The following CD2AP variants were observed in gnomAD, a reference collection of about 807,000 sequenced individuals.
CD2AP encodes the protein CD2-associated protein.
In CD2AP, 46 loss-of-function variants were observed where a neutral mutation model predicts 85.1. That is an observed-to-expected ratio of 0.54 (90% CI 0.43 to 0.69). CD2AP has a LOEUF of 0.69. Among genes scored for constraint, CD2AP ranks in the 30% least tolerant of loss-of-function variants. The pLI is 0.00. For synonymous variants in CD2AP, 255 were observed against 252.9 expected (o/e 1.01, Z -0.08); for missense variants, 769 against 729.5 (o/e 1.05, Z -0.62).
At chr6:47,519,413 T>C (rs1320386081) in intron 2 of CD2AP, among the ~76,000 whole-genome samples, 10 of 152,180 alleles carry the variant, frequency 6.6e-5, no homozygotes, top group Admixed American at 6.5e-4. Flanking sequence ...AGGAAGAAGA[T>C]AGTTTGGCAT....
intron 2 of CD2AP, among the ~76,000 whole-genome samples, chr6:47,526,664 T>G (rs964645716): frequency 2.0e-5 from 3 of 152,194 alleles, no homozygotes; most frequent in Non-Finnish European, 4.4e-5. Flanking sequence ...TGTATACAGT[T>G]TGTCTGTCTC....
intron 5 of CD2AP, among the ~76,000 whole-genome samples, chr6:47,564,904 A>G (rs534571313): frequency 2.0e-5 from 3 of 152,108 alleles, no homozygotes; most frequent in Non-Finnish European, 4.4e-5. Context: ...TATCCACTAT[A>G]TTTGATTATA....
At chr6:47,505,970 T>G in intron 2 of CD2AP, among the ~76,000 whole-genome samples, 1 of 64,910 alleles carries the variant, frequency 1.5e-5, no homozygotes, top group Non-Finnish European at 3.3e-5. Flanking sequence ...CCAGATGGGG[T>G]GGCTGCCGGG....
chr6:47,618,048 G>T (rs1769642257), intron 17 of CD2AP, among the ~76,000 whole-genome samples: 1 of 152,314 alleles, frequency 6.6e-6, no homozygotes, highest in Admixed American at 6.5e-5. Context: ...GCCGGGCACG[G>T]TGGCTCACAC....
intron 5 of CD2AP, among the ~76,000 whole-genome samples, chr6:47,567,067 G>GT: frequency 6.8e-6 from 1 of 147,144 alleles, no homozygotes; most frequent in African/African-American, 2.5e-5. Flanking sequence ...TTAGAGTTTT[G>GT]TTTTTCTGAT....
chr6:47,552,505 CATG>C (rs1767553670), intron 4 of CD2AP, among the ~76,000 whole-genome samples: 1 of 152,118 alleles, frequency 6.6e-6, no homozygotes, highest in African/African-American at 2.4e-5. Flanking sequence ...AGTAGTATTC[CATG>C]ATGTGTGTGT....
At chr6:47,594,805 A>G (rs553182489) in intron 11 of CD2AP, among the ~76,000 whole-genome samples, 1 of 152,184 alleles carries the variant, frequency 6.6e-6, no homozygotes, top group South Asian at 2.1e-4. Flanking sequence ...GGTAAAAGTG[A>G]GAAAATAGTA....
chr6:47,492,951 A>C (rs1765771351), intron 1 of CD2AP, among the ~76,000 whole-genome samples: 1 of 152,186 alleles, frequency 6.6e-6, no homozygotes, highest in Non-Finnish European at 1.5e-5. Flanking sequence ...AACTAATGTT[A>C]AATTCAGCTT....
Position 47,625,539 on chromosome 6 carries a change from GTTTA to G in CD2AP, c.*1317_*1320del, listed in dbSNP as rs1769886241. On this transcript the variant is annotated 3_prime_UTR_variant, in exon 18 of 18. Transcript: ENST00000359314. ...TAGGTAACATCTAAAACACAAGTGG[GTTTA>G]TTTAAATTTTTAAAATTTGAAATTT... is the stretch of plus-strand genomic sequence containing the variant. 1 of 151,752 alleles carries G rather than the reference GTTTA, an allele frequency of 6.6e-6. No individual in the cohort carries two copies. Among genetic ancestry groups the G allele is most frequent in the African/African-American group, 2.4e-5 (1 of 41,380 alleles). The allele number at this position is 151,752 out of a possible 1,614,324, so 9.4% of individuals were successfully genotyped here. A position where few individuals can be genotyped will look rare whatever the true frequency, so the allele number is the denominator to read the frequency against.
At chr6:47,548,769 A>G (rs1767436164) in intron 4 of CD2AP, among the ~76,000 whole-genome samples, 1 of 152,162 alleles carries the variant, frequency 6.6e-6, no homozygotes, top group Admixed American at 6.5e-5. Flanking sequence ...ACTACAGACC[A>G]ATATTCCTGA....
chr6:47,590,333 TAA>T (rs1269512380), intron 11 of CD2AP, among the ~76,000 whole-genome samples: 1 of 152,116 alleles, frequency 6.6e-6, no homozygotes, highest in Non-Finnish European at 1.5e-5. Flanking sequence ...TTTACATATA[TAA>T]GTATATATAA....
intron 1 of CD2AP, among the ~76,000 whole-genome samples, chr6:47,490,416 T>G (rs1339222833): frequency 2.0e-5 from 3 of 152,226 alleles, no homozygotes; most frequent in Non-Finnish European, 2.9e-5. Flanking sequence ...GTATTTTTTT[T>G]GATCTGCTTG....
chr6:47,570,134 C>T (rs935508928), intron 5 of CD2AP, among the ~76,000 whole-genome samples: 7 of 145,896 alleles, frequency 4.8e-5, no homozygotes, highest in African/African-American at 7.6e-5. Flanking sequence ...TTATTTTCAT[C>T]AGATTTCTTT....
In CD2AP at chr6:47,609,489, C is replaced by T. The variant is rs114367772; in HGVS notation, c.1814+185C>T. On this transcript the variant is annotated intron_variant, in intron 16 of 17. Transcript: ENST00000359314. ...TCCAGGAGTTCGAGACCAGCCTGGA[C>T]GACATGACAAAACCCCATCTTTGCA... 2.2e-3 allele frequency: 686 copies of T among 306,436 alleles called. 5 individuals carry two copies. Among genetic ancestry groups the T allele is most frequent in the African/African-American group, 0.016 (642 of 39,712 alleles). The allele number at this position is 306,436 out of a possible 1,614,324, so 19.0% of individuals were successfully genotyped here. A position where few individuals can be genotyped will look rare whatever the true frequency, so the allele number is the denominator to read the frequency against.
At chr6:47,529,183 G>GGCC (rs1766805294) in intron 2 of CD2AP, among the ~76,000 whole-genome samples, 1 of 60,142 alleles carries the variant, frequency 1.7e-5, no homozygotes. Context: ...CTCTAGTACT[G>GGCC]CCCCCCCCCC....
intron 5 of CD2AP, among the ~76,000 whole-genome samples, chr6:47,567,927 A>T (rs1768045632): frequency 6.6e-6 from 1 of 152,202 alleles, no homozygotes; most frequent in African/African-American, 2.4e-5. Flanking sequence ...TGGGGAGTAG[A>T]TTGGAGAAGA....
chr6:47,509,541 A>G (rs1052388597), intron 2 of CD2AP, among the ~76,000 whole-genome samples: 4 of 152,218 alleles, frequency 2.6e-5, no homozygotes, highest in Non-Finnish European at 5.9e-5. Context: ...ACTACACTTT[A>G]TATTTTATCT....
chr6:47,491,271 ATGTGTGTGTGTGTGTG>A (rs57447174), intron 1 of CD2AP, among the ~76,000 whole-genome samples: 4 of 122,482 alleles, frequency 3.3e-5, no homozygotes, highest in African/African-American at 5.3e-5. Flanking sequence ...GTGTGTGTGT[ATGTGTGTGTGTGTGTG>A]TGTGTGTGTG....
intron 11 of CD2AP, among the ~76,000 whole-genome samples, chr6:47,592,782 A>G (rs568523164): frequency 6.6e-6 from 1 of 152,212 alleles, no homozygotes; most frequent in South Asian, 2.1e-4. Flanking sequence ...GAAGTTACGG[A>G]AACTCTGCAT....
Sources: gnomAD v4.1 joint callset for allele counts (sites outside exome capture counted in the v4.1 genomes callset) on GRCh38, gnomAD v4.1.1 for gene constraint, MANE v1.5 for transcripts, NCBI Gene and HGNC (gene_info 2026-07-23, HGNC 2026-07-21) for gene names.